Variants in TIAM2 observed in about 807,000 individuals in gnomAD.
TIAM2 encodes TIAM Rac1 associated GEF 2.
Under a neutral mutation model 152.9 loss-of-function variants are expected in TIAM2, and 80 were observed. The ratio of observed to expected loss-of-function variants is 0.52; its 90% CI spans 0.44 to 0.63. The LOEUF (loss-of-function observed/expected upper bound fraction) is 0.63, where lower values mean the gene tolerates loss of function less well. Ranked by LOEUF, TIAM2 falls within the 30% of genes least tolerant of loss-of-function variation. The pLI is 0.00. For synonymous variants in TIAM2, 804 were observed against 838.0 expected (o/e 0.96, Z 0.70); for missense variants, 1,965 against 2,120.1 (o/e 0.93, Z 1.44).
At chr6:155,194,160 A>G (rs1212707276) in intron 14 of TIAM2, among the ~76,000 whole-genome samples, 1 of 152,168 alleles carries the variant, frequency 6.6e-6, no homozygotes, top group Non-Finnish European at 1.5e-5. Context: ...ATGAGGGGGC[A>G]TAGAGCGTTC....
In TIAM2 at chr6:155,254,412, C is replaced by A. The variant is rs1331213; in HGVS notation, c.4314-7C>A. The stretch of plus-strand genomic sequence containing the variant: ...ACTTCTGCTGTTTTCTCTCCCCCCC[C>A]ACCCAGTGACAGTGAAAGCAAAACC... On this transcript the variant is annotated splice_polypyrimidine_tract_variant and splice_region_variant and intron_variant, in intron 25 of 26. Coordinates refer to ENST00000682666, the MANE Select transcript of TIAM2 (RefSeq NM_012454.4). 57 of 1,609,736 alleles carry A rather than the reference C, an allele frequency of 3.5e-5. No individual in the cohort carries two copies. The highest frequency in any genetic ancestry group is 5.5e-5 in the South Asian group (5 of 90,984).
chr6:155,048,856 A>G (rs143097040), intron 1 of TIAM2, among the ~76,000 whole-genome samples: 5,815 of 150,814 alleles, frequency 0.039, 344 homozygotes, highest in African/African-American at 0.13. Context: ...GCTGGAGTGC[A>G]GTGGTGCAAT....
Position 155,257,447 on chromosome 6 carries a change from T to C in TIAM2, c.*326T>C. ...GCTGGGGAAGTCGTGATTAATAGTT[T>C]TCAAAGGGCCATTTTTTAAAATCCT... On this transcript the variant is annotated 3_prime_UTR_variant, in exon 27 of 27. Transcript: ENST00000682666. 1 of 338,226 alleles carries C rather than the reference T, an allele frequency of 3.0e-6. No homozygotes were observed. Among genetic ancestry groups the C allele is most frequent in the Admixed American group, 4.7e-5 (1 of 21,434 alleles). 21.0% of individuals were successfully genotyped at this position (338,226 alleles called of 1,614,324 possible).
At chr6:155,132,439 A>G (rs948631426) in intron 4 of TIAM2, among the ~76,000 whole-genome samples, 7 of 151,804 alleles carry the variant, frequency 4.6e-5, no homozygotes, top group African/African-American at 1.5e-4. Context: ...CTCTTCCTTC[A>G]CACAGAGGTG....
intron 7 of TIAM2, among the ~76,000 whole-genome samples, chr6:155,160,421 T>C (rs112419700): frequency 1.6e-3 from 249 of 152,246 alleles, no homozygotes; most frequent in African/African-American, 5.7e-3. Context: ...AGTCTACCCA[T>C]TTAAATGTTA....
intron 1 of TIAM2, among the ~76,000 whole-genome samples, chr6:155,056,959 G>C (rs963755575): frequency 1.4e-5 from 2 of 144,624 alleles, no homozygotes; most frequent in Admixed American, 7.0e-5. Context: ...TTTGATGACT[G>C]TGACAGTTTT....
chr6:155,008,192 G>A (rs1343420907), intron 1 of TIAM2, among the ~76,000 whole-genome samples: 3 of 152,058 alleles, frequency 2.0e-5, no homozygotes, highest in Non-Finnish European at 4.4e-5. Context: ...TTATATTTCT[G>A]TGTGTGATAG....
intron 7 of TIAM2, among the ~76,000 whole-genome samples, chr6:155,157,111 T>C (rs1477332733): frequency 6.6e-6 from 1 of 152,224 alleles, no homozygotes; most frequent in Non-Finnish European, 1.5e-5. Flanking sequence ...GAACCCTCGA[T>C]GCCTTGCTTG....
At chr6:155,116,074 G>T (rs1409287911) in intron 2 of TIAM2, among the ~76,000 whole-genome samples, 5 of 152,212 alleles carry the variant, frequency 3.3e-5, no homozygotes, top group African/African-American at 1.2e-4. Flanking sequence ...GTGCACTCCA[G>T]CCTGGGTGAC....
intron 5 of TIAM2, 125 bp downstream of exon 5, chr6:155,137,737 G>T: frequency 9.5e-7 from 1 of 1,056,628 alleles, no homozygotes; most frequent in South Asian, 1.7e-5. Flanking sequence ...CAGGATCCAT[G>T]GGCTGCCTTC....
chr6:154,998,231 G>A (rs1473287422), intron 1 of TIAM2, among the ~76,000 whole-genome samples: 1 of 152,154 alleles, frequency 6.6e-6, no homozygotes, highest in African/African-American at 2.4e-5. Flanking sequence ...AGATAAGGGG[G>A]CAAGAAACTT....
At chr6:155,133,996 C>T (rs538190110) in intron 4 of TIAM2, among the ~76,000 whole-genome samples, 2 of 152,274 alleles carry the variant, frequency 1.3e-5, no homozygotes, top group Admixed American at 6.5e-5. Flanking sequence ...GGATAACAGG[C>T]GTGAGCCACC....
chr6:155,254,821 C>T (rs1036894299), intron 26 of TIAM2: 1 of 460,180 alleles, frequency 2.2e-6, no homozygotes, highest in Non-Finnish European at 4.0e-6. Flanking sequence ...TTTGTTTCTT[C>T]CACTAAGATG....
At chr6:155,078,527 C>T (rs1379656281) in intron 1 of TIAM2, among the ~76,000 whole-genome samples, 1 of 152,220 alleles carries the variant, frequency 6.6e-6, no homozygotes, top group East Asian at 1.9e-4. Flanking sequence ...TTCACCCATG[C>T]TGTCCTCCTT....
rs894207860 is a variant in TIAM2 at position 155,186,575 on chromosome 6, G to A, written c.3064+3075G>A. Among the ~76,000 whole-genome samples, 1 of 152,140 alleles carries A rather than the reference G, an allele frequency of 6.6e-6. No individual in the cohort carries two copies. Among genetic ancestry groups the A allele is most frequent in the African/African-American group, 2.4e-5 (1 of 41,430 alleles). On this transcript the variant is annotated intron_variant, in intron 14 of 26. Transcript: ENST00000682666. This position sits in a 1 kb window ranked among gnomAD's most constrained non-coding sequence, Gnocchi z 4.5. ...ATCCAGAGGATAATGTTTCTCCCCT[G>A]CCCCTGTGGTCCCTGTGAGTTTGGG...
rs962360874 is a variant in TIAM2 at position 155,139,314 on chromosome 6, A to G, written c.1630+1702A>G. ...CTGGTAAAGGAGCACTTGCAAAGGC[A>G]TTTCATATCCAAGTGATACCTTTTC... On this transcript the variant is annotated intron_variant, in intron 5 of 26. Coordinates refer to ENST00000682666, the MANE Select transcript of TIAM2 (RefSeq NM_012454.4). 3.9e-5 allele frequency among the ~76,000 whole-genome samples: 6 copies of G among 152,200 alleles called. No homozygotes were observed. The East Asian group carries it at 1.2e-3, about 29-fold the overall frequency.
At chr6:155,167,501 T>G (rs1289237499) in intron 9 of TIAM2, among the ~76,000 whole-genome samples, 2 of 152,218 alleles carry the variant, frequency 1.3e-5, no homozygotes, top group Non-Finnish European at 1.5e-5. Context: ...GGATTACAGG[T>G]GTGAGCCACT....
chr6:155,075,446 C>G (rs187428350), intron 1 of TIAM2, among the ~76,000 whole-genome samples: 1 of 152,022 alleles, frequency 6.6e-6, no homozygotes, highest in Non-Finnish European at 1.5e-5. Context: ...GTGACTCTAC[C>G]ATAGCTTTCC....
chr6:155,160,754 C>T (rs1780247597), intron 7 of TIAM2, among the ~76,000 whole-genome samples: 1 of 148,082 alleles, frequency 6.8e-6, no homozygotes, highest in Admixed American at 6.9e-5. Context: ...AGAGTGAGAC[C>T]ATGTCTCAAA....
Sources: gnomAD v4.1 joint callset for allele counts (sites outside exome capture counted in the v4.1 genomes callset) on GRCh38, gnomAD v4.1.1 for gene constraint, Gnocchi (gnomAD v3.1) non-coding constraint, MANE v1.5 for transcripts, NCBI Gene and HGNC (gene_info 2026-07-23, HGNC 2026-07-21) for gene names.